Variants in CDH22 observed in about 807,000 individuals in gnomAD.
CDH22 encodes cadherin-22.
A neutral mutation model predicts 58.4 loss-of-function variants in CDH22; 30 were observed. That is an observed-to-expected ratio of 0.51 (90% CI 0.38 to 0.70). The LOEUF (loss-of-function observed/expected upper bound fraction) is 0.70. CDH22 is among the 30% of genes least tolerant of loss of function. CDH22 has a pLI of 0.00. For synonymous variants in CDH22, 513 were observed against 558.2 expected (o/e 0.92, Z 1.14); for missense variants, 1,014 against 1,233.9 (o/e 0.82, Z 2.67).
chr20:46,221,276 T>C (rs1209046185), intron 4 of CDH22, among the ~76,000 whole-genome samples: 1 of 103,454 alleles, frequency 9.7e-6, no homozygotes, highest in Non-Finnish European at 1.8e-5. Flanking sequence ...GGGTTTTTTT[T>C]TTTCTTTTTT....
At chr20:46,287,217 C>T (rs2086580399) in intron 1 of CDH22, among the ~76,000 whole-genome samples, 1 of 152,174 alleles carries the variant, frequency 6.6e-6, no homozygotes, top group Non-Finnish European at 1.5e-5. Flanking sequence ...ATAACAGTAG[C>T]TACCTCACAC....
chr20:46,249,809 C>A (rs150121575), intron 2 of CDH22, among the ~76,000 whole-genome samples: 1 of 152,338 alleles, frequency 6.6e-6, no homozygotes, highest in African/African-American at 2.4e-5. Context: ...AGGCTCTGAG[C>A]AAACCAGCTA....
At chr20:46,257,312 A>T (rs2086411364) in intron 1 of CDH22, among the ~76,000 whole-genome samples, 1 of 152,206 alleles carries the variant, frequency 6.6e-6, no homozygotes, top group Admixed American at 6.5e-5. Context: ...GAAAAAAAAA[A>T]AAAATCATGC....
At chr20:46,185,839 T>C (rs1343367200) in intron 10 of CDH22, among the ~76,000 whole-genome samples, 1 of 152,182 alleles carries the variant, frequency 6.6e-6, no homozygotes, top group African/African-American at 2.4e-5. Context: ...CACTGCTGCC[T>C]GGGTGACAGA....
In CDH22 at chr20:46,210,271, C is replaced by T; in HGVS notation, c.1286+36G>A. ...GTCCGCGGGGGTGATGGCGGGATAG[C>T]AGGCAGCAGGCGTCGGCCCCGGGCG... On this transcript the variant is annotated intron_variant, in intron 7 of 11. Coordinates refer to ENST00000537909, the MANE Select transcript of CDH22 (RefSeq NM_021248.3). This position sits in a 1 kb window ranked among gnomAD's most constrained non-coding sequence, Gnocchi z 4.5. 1.5e-6 allele frequency: 2 copies of T among 1,372,256 alleles called. No homozygotes were observed. Among genetic ancestry groups the T allele is most frequent in the Non-Finnish European group, 9.4e-7 (1 of 1,068,412 alleles). The allele number at this position is 1,372,256 out of a possible 1,614,324, so 85.0% of individuals were successfully genotyped here.
chr20:46,300,688 C>T lies in CDH22; in HGVS notation c.-400+7567G>A, dbSNP rs1005229970. Among the ~76,000 whole-genome samples the T allele has an allele frequency of 6.6e-6, 1 of 152,208 alleles. No individual in the cohort carries two copies. Among genetic ancestry groups the T allele is most frequent in the African/African-American group, 2.4e-5 (1 of 41,452 alleles). Reference sequence around the variant, plus strand: ...AAACAGTTCTCTGCCATCCAGCATCCTTCCCTTCCCCAGGGACCCCCCAGT... The same window carrying T: ...AAACAGTTCTCTGCCATCCAGCATCTTTCCCTTCCCCAGGGACCCCCCAGT... On this transcript the variant is annotated intron_variant, in intron 1 of 11. Coordinates refer to ENST00000537909, the MANE Select transcript of CDH22 (RefSeq NM_021248.3). The surrounding 1 kb of genome is among the most constrained non-coding windows in gnomAD (Gnocchi z 4.4).
intron 7 of CDH22, among the ~76,000 whole-genome samples, chr20:46,201,951 G>C (rs1209128778): frequency 1.3e-5 from 2 of 152,092 alleles, no homozygotes; most frequent in Non-Finnish European, 2.9e-5. Context: ...TGCCTTCTCT[G>C]TGCTGGTCTG....
chr20:46,201,708 A>G lies in CDH22; in HGVS notation c.1287-2149T>C, dbSNP rs532586677. On this transcript the variant is annotated intron_variant, in intron 7 of 11. Coordinates refer to ENST00000537909, the MANE Select transcript of CDH22 (RefSeq NM_021248.3). ...TGTGCCTATGGGTGTAGTGGGCATT[A>G]TAAGCCGATCCCCTGAACCCCCAGT... Among the ~76,000 whole-genome samples, 11 of 152,298 alleles carry G rather than the reference A, an allele frequency of 7.2e-5. No homozygotes were observed. In the East Asian group the frequency reaches 1.9e-3, roughly 27 times the overall value.
chr20:46,261,822 C>T (rs1227395161), intron 1 of CDH22, among the ~76,000 whole-genome samples: 2 of 152,102 alleles, frequency 1.3e-5, no homozygotes, highest in African/African-American at 4.8e-5. Flanking sequence ...GCTATTGAGG[C>T]ATGGAGGGGT....
chr20:46,291,097 C>T lies in CDH22; in HGVS notation c.-400+17158G>A, dbSNP rs150917573. On this transcript the variant is annotated intron_variant, in intron 1 of 11. Transcript: ENST00000537909. ...TTCGAGACCAGCCTGGCCAACATGG[C>T]GAAACCCTGTCTCTACTAAAAATAC... Among the ~76,000 whole-genome samples, 339 of 152,054 alleles carry T rather than the reference C, an allele frequency of 2.2e-3. 2 individuals are homozygous for T. Among genetic ancestry groups the T allele is most frequent in the African/African-American group, 7.8e-3 (325 of 41,478 alleles).
rs377717272 is a variant in CDH22, at chr20:46,217,031, C to T, written c.671-38G>A. The T allele has an allele frequency of 1.7e-5, 27 of 1,560,884 alleles. No homozygotes were observed. The African/African-American group carries it at 2.7e-4, about 16-fold the overall frequency. On this transcript the variant is annotated intron_variant, in intron 4 of 11. Coordinates refer to ENST00000537909, the MANE Select transcript of CDH22 (RefSeq NM_021248.3). ...GAGGGTGAGGCCAGGGCACCCCACA[C>T]CACCTGCCCACTGATGTGGAGACCC...
chr20:46,196,092 T>G (rs2085899698), intron 8 of CDH22, among the ~76,000 whole-genome samples: 1 of 152,138 alleles, frequency 6.6e-6, no homozygotes, highest in Non-Finnish European at 1.5e-5. Context: ...CACCTGGGGC[T>G]CTGGCTGGCT....
Position 46,308,427 on chromosome 20 carries a change from G to T in CDH22, c.-572C>A. 4.9e-6 allele frequency: 1 copy of T among 205,928 alleles called. No individual in the cohort carries two copies. Among genetic ancestry groups the T allele is most frequent in the South Asian group, 1.8e-4 (1 of 5,546 alleles). The allele number at this position is 205,928 out of a possible 1,614,324, so 12.8% of individuals were successfully genotyped here. A position where few individuals can be genotyped will look rare whatever the true frequency, so the allele number is the denominator to read the frequency against. On this transcript the variant is annotated 5_prime_UTR_variant, in exon 1 of 12. Transcript: ENST00000537909. The surrounding 1 kb of genome is among the most constrained non-coding windows in gnomAD (Gnocchi z 4.3). ...CGGCGGCGTGTGCGCGCGTGTGTGT[G>T]AGCGAGAGAGCGAGAGAGCGAGAGA...
chr20:46,231,212 G>T lies in CDH22; in HGVS notation c.551-3585C>A, dbSNP rs574054449. On this transcript the variant is annotated intron_variant, in intron 3 of 11. Coordinates refer to ENST00000537909, the MANE Select transcript of CDH22 (RefSeq NM_021248.3). The stretch of plus-strand genomic sequence containing the variant: ...CCTAGGTCCAGGCTGGAATGGGAAG[G>T]GTTGCCCAACTGATTCTTGGCTAAA... Among the ~76,000 whole-genome samples, 6 of 152,296 alleles carry T rather than the reference G, an allele frequency of 3.9e-5. No individual in the cohort carries two copies. In the South Asian group the frequency reaches 1.2e-3, roughly 32 times the overall value.
intron 6 of CDH22, among the ~76,000 whole-genome samples, chr20:46,211,268 G>A (rs2086041306): frequency 6.6e-6 from 1 of 152,254 alleles, no homozygotes; most frequent in Non-Finnish European, 1.5e-5. Context: ...TCGTGGAGCT[G>A]CAGGGACCTC....
intron 1 of CDH22, among the ~76,000 whole-genome samples, chr20:46,303,921 CAG>C (rs2086663502): frequency 6.6e-6 from 1 of 152,116 alleles, no homozygotes; most frequent in Non-Finnish European, 1.5e-5. Flanking sequence ...GGGAGGGTAT[CAG>C]AGGCTGGGAG....
chr20:46,254,590 C>A (rs1203522389), intron 1 of CDH22, among the ~76,000 whole-genome samples: 1 of 151,544 alleles, frequency 6.6e-6, no homozygotes, highest in Non-Finnish European at 1.5e-5. Flanking sequence ...AAGTCCTGGC[C>A]CTCATGGAAC....
chr20:46,253,534 C>T (rs1315681167), intron 1 of CDH22, among the ~76,000 whole-genome samples: 7 of 152,184 alleles, frequency 4.6e-5, no homozygotes, highest in Non-Finnish European at 1.5e-5. Flanking sequence ...GGTATGACTT[C>T]TATGGGCCTG....
chr20:46,251,376 C>G lies in CDH22; in HGVS notation c.-82G>C. 16 of 1,368,380 alleles carry G rather than the reference C, an allele frequency of 1.2e-5. No homozygotes were observed. The highest frequency in any genetic ancestry group is 1.4e-5 in the Non-Finnish European group (15 of 1,063,170). The allele number at this position is 1,368,380 out of a possible 1,614,324, so 84.8% of individuals were successfully genotyped here. On this transcript the variant is annotated 5_prime_UTR_variant, in exon 2 of 12. Coordinates refer to ENST00000537909, the MANE Select transcript of CDH22 (RefSeq NM_021248.3). The surrounding 1 kb of genome is among the most constrained non-coding windows in gnomAD (Gnocchi z 6.7). ...GCTGCTTGGTCGCACAACGATGCGG[C>G]GCCGTGTCACATGGTGGCCTCAGCG...
Sources: gnomAD v4.1 joint callset for allele counts (sites outside exome capture counted in the v4.1 genomes callset) on GRCh38, gnomAD v4.1.1 for gene constraint, Gnocchi (gnomAD v3.1) non-coding constraint, MANE v1.5 for transcripts, NCBI Gene and HGNC (gene_info 2026-07-23, HGNC 2026-07-21) for gene names.